TMEM161A: variants seen among roughly 807,000 people sequenced by gnomAD.
TMEM161A encodes transmembrane protein 161A, also known as adaptive response to oxidative stress protein 29.
TMEM161A carries 46 observed loss-of-function variants against 57.1 expected under a neutral mutation model. The ratio of observed to expected loss-of-function variants is 0.81; its 90% CI spans 0.64 to 1.03. The LOEUF (loss-of-function observed/expected upper bound fraction) is 1.03, where lower values mean the gene tolerates loss of function less well. TMEM161A is among the 50% of genes least tolerant of loss of function. The pLI is 0.00. For synonymous variants in TMEM161A, 288 were observed against 279.0 expected, an observed-to-expected ratio of 1.03 and a Z score of -0.32; for missense variants, 601 against 621.5, an observed-to-expected ratio of 0.97 and a Z score of 0.35.
chr19:19,128,564 G>A (rs1244946216), intron 6 of TMEM161A, among the ~76,000 whole-genome samples: 1 of 133,028 alleles, frequency 7.5e-6, no homozygotes, highest in Non-Finnish European at 1.6e-5. Flanking sequence ...TTGAGACGGA[G>A]TTTCACTCTT....
At chr19:19,128,228 C>CTTTT (rs531458159) in intron 6 of TMEM161A, among the ~76,000 whole-genome samples, 7 of 120,764 alleles carry the variant, frequency 5.8e-5, no homozygotes, top group Non-Finnish European at 1.0e-4. Flanking sequence ...TCTAAATAGA[C>CTTTT]TTTTTTTTTT....
rs2059963212 is a variant in TMEM161A at position 19,132,414 on chromosome 19, C to T, written c.381G>A (p.Leu127=). The T allele has an allele frequency of 1.9e-6, 3 of 1,614,044 alleles. No homozygotes were observed. Among genetic ancestry groups the T allele is most frequent in the Non-Finnish European group, 1.7e-6 (2 of 1,180,030 alleles). The change falls in exon 5 of 12, where the codon CTG becomes CTA. Residue 127 remains leucine (L), a synonymous_variant. Coordinates refer to ENST00000162044, the MANE Select transcript of TMEM161A (RefSeq NM_017814.3). This position sits in a 1 kb window ranked among gnomAD's most constrained non-coding sequence, Gnocchi z 4.3. ...YLFTEAYYYM[L]GPAKETNIAV... ...CAATGTTAGTCTCCTTGGCTGGTCC[C>T]AGCATGTAGTAGTAGGCCTCTGTGA... is the stretch of plus-strand genomic sequence containing the variant.
At chr19:19,133,379 C>A (rs1182339978) in intron 2 of TMEM161A, 169 bp from the exon 3 acceptor site, 71 of 613,798 alleles carry the variant, frequency 1.2e-4, no homozygotes, top group Non-Finnish European at 1.5e-4. Context: ...GTGAGACCAA[C>A]AGATCTAGGC....
Position 19,132,232 on chromosome 19 carries a change from TA to T in TMEM161A, c.443+119del. 8.3e-7 allele frequency: 1 copy of T among 1,208,316 alleles called. No homozygotes were observed. Among genetic ancestry groups the T allele is most frequent in the Non-Finnish European group, 1.2e-6 (1 of 858,864 alleles). The allele number at this position is 1,208,316 out of a possible 1,614,324, so 74.8% of individuals were successfully genotyped here. On this transcript the variant is annotated intron_variant, in intron 5 of 11. Coordinates refer to ENST00000162044, the MANE Select transcript of TMEM161A (RefSeq NM_017814.3). The surrounding 1 kb of genome is among the most constrained non-coding windows in gnomAD (Gnocchi z 4.3). The stretch of plus-strand genomic sequence containing the variant: ...ACATAAAATGTCTGCTTCATGTCAC[TA>T]AGCTTGGGGAAGTTTGTGGCACAGC...
chr19:19,130,244 G>A lies in TMEM161A; in HGVS notation c.507C>T (p.Val169=), dbSNP rs1599708701. 6.2e-7 allele frequency: 1 copy of A among 1,613,970 alleles called. No individual in the cohort carries two copies. Among genetic ancestry groups the A allele is most frequent in the Non-Finnish European group, 8.5e-7 (1 of 1,180,030 alleles). Residue 169 remains valine, a synonymous_variant, in exon 6 of 12, where the codon GTC becomes GTT. Coordinates refer to ENST00000162044, the MANE Select transcript of TMEM161A (RefSeq NM_017814.3). ...FSAEEGGERS[V]CLTFAFLFLL... Reference sequence around the variant, plus strand: ...GGAAGAGGAAGGCAAAGGTGAGGCAGACAGAGCGCTCACCCCCCTCCTCGG... The same window carrying A: ...GGAAGAGGAAGGCAAAGGTGAGGCAAACAGAGCGCTCACCCCCCTCCTCGG...
Position 19,132,276 on chromosome 19 carries a change from C to T in TMEM161A, c.443+76G>A. ...GGCACAGCAGGTGAAAACTGCCACACCAGTTTAGGGGAGCCAGGGAAGCTC... is the reference window on the plus strand; with the variant it reads ...GGCACAGCAGGTGAAAACTGCCACATCAGTTTAGGGGAGCCAGGGAAGCTC... On this transcript the variant is annotated intron_variant, in intron 5 of 11. Transcript: ENST00000162044. The surrounding 1 kb of genome is among the most constrained non-coding windows in gnomAD (Gnocchi z 4.3). The T allele has an allele frequency of 5.3e-6, 8 of 1,505,592 alleles. No individual in the cohort carries two copies. Among genetic ancestry groups the T allele is most frequent in the Non-Finnish European group, 7.2e-6 (8 of 1,118,178 alleles). 93.3% of individuals were successfully genotyped at this position (1,505,592 alleles called of 1,614,324 possible).
Position 19,120,822 on chromosome 19 carries a change from G to T in TMEM161A, c.1129C>A (p.Gln377Lys). ...GTGAGGATGAGCGGCGTCAGGTACT[G>T]CAAGCTCACCACGGTCACATAGCAG... ...VYCYVTVVSL[Q>K]YLTPLILTLN... The change falls in exon 11 of 12, where the codon CAG becomes AAG. Residue 377 changes from glutamine to lysine, a missense_variant. Gln to Lys is a moderately conservative substitution (Grantham distance 53). Coordinates refer to ENST00000162044, the MANE Select transcript of TMEM161A (RefSeq NM_017814.3). 6.2e-7 allele frequency: 1 copy of T among 1,613,448 alleles called. No homozygotes were observed. Among genetic ancestry groups the T allele is most frequent in the South Asian group, 1.1e-5 (1 of 91,084 alleles).
At chr19:19,124,301 G>A (rs895772932) in intron 6 of TMEM161A, among the ~76,000 whole-genome samples, 1 of 152,192 alleles carries the variant, frequency 6.6e-6, no homozygotes, top group Non-Finnish European at 1.5e-5. Flanking sequence ...AGGCAAGATG[G>A]AGATTTGAAT....
rs1228211753 is a variant in TMEM161A at position 19,119,843 on chromosome 19, G to C, written c.*87C>G. ...GAGTCCGGCCCCACCTTGCAGCTGG[G>C]GACACGGGGGCGCAAACAGAGGGGG... On this transcript the variant is annotated 3_prime_UTR_variant, in exon 12 of 12. Coordinates refer to ENST00000162044, the MANE Select transcript of TMEM161A (RefSeq NM_017814.3). 1 of 1,472,796 alleles carries C rather than the reference G, an allele frequency of 6.8e-7. No individual in the cohort carries two copies. The highest frequency in any genetic ancestry group is 9.1e-7 in the Non-Finnish European group (1 of 1,097,376). The allele number at this position is 1,472,796 out of a possible 1,614,324, so 91.2% of individuals were successfully genotyped here. A position where few individuals can be genotyped will look rare whatever the true frequency, so the allele number is the denominator to read the frequency against.
rs1464707273 is a variant in TMEM161A at position 19,130,242 on chromosome 19, C to G, written c.509G>C (p.Cys170Ser). 1 of 1,613,946 alleles carries G rather than the reference C, an allele frequency of 6.2e-7. No individual in the cohort carries two copies. Among genetic ancestry groups the G allele is most frequent in the Admixed American group, 1.7e-5 (1 of 60,018 alleles). ...CAGGAAGAGGAAGGCAAAGGTGAGG[C>G]AGACAGAGCGCTCACCCCCCTCCTC... ...SAEEGGERSV[C>S]LTFAFLFLLL... Residue 170 changes from cysteine (C) to serine (S), a missense_variant, in exon 6 of 12, where the codon TGC (cysteine) becomes TCC (serine). Cys to Ser is a moderately radical substitution (Grantham distance 112, BLOSUM62 -1). Transcript: ENST00000162044.
intron 1 of TMEM161A, among the ~76,000 whole-genome samples, 161 bp downstream of exon 1, chr19:19,138,265 G>C (rs1437639392): frequency 6.6e-6 from 1 of 152,212 alleles, no homozygotes; most frequent in Non-Finnish European, 1.5e-5. Context: ...CGAGAGCAGG[G>C]CTCCCAGAGA....
At chr19:19,135,736 C>T (rs2059982139) in intron 1 of TMEM161A, among the ~76,000 whole-genome samples, 1 of 152,054 alleles carries the variant, frequency 6.6e-6, no homozygotes, top group African/African-American at 2.4e-5. Flanking sequence ...GCCACCATAC[C>T]CAACTAATTT....
chr19:19,127,732 C>G (rs1054894122), intron 6 of TMEM161A, among the ~76,000 whole-genome samples: 1 of 150,780 alleles, frequency 6.6e-6, no homozygotes, highest in Non-Finnish European at 1.5e-5. Context: ...GAGTTTGAGA[C>G]CAGCCTGAGA....
At chr19:19,130,364 C>A (rs1280351895) in intron 5 of TMEM161A, 57 bp from the exon 6 acceptor site, 14 of 1,599,936 alleles carry the variant, frequency 8.8e-6, no homozygotes, top group African/African-American at 2.7e-5. Flanking sequence ...GCCCATTTCA[C>A]CACACTCCGT....
intron 11 of TMEM161A, 52 bp downstream of exon 11, chr19:19,120,713 G>C (rs1444793178): frequency 1.3e-6 from 2 of 1,557,932 alleles, no homozygotes; most frequent in Admixed American, 1.7e-5. Flanking sequence ...CCTCCACTCT[G>C]TTTTATCTTC....
chr19:19,132,764 T>C lies in TMEM161A; in HGVS notation c.189-10A>G, dbSNP rs748107638. ...AAGGCCATTGGCCCACCTGGGAGGA[T>C]GGTGACAAGCAAGAGGGACGGTGAG... is the stretch of plus-strand genomic sequence containing the variant. On this transcript the variant is annotated splice_polypyrimidine_tract_variant and intron_variant, in intron 3 of 11. Transcript: ENST00000162044. This position sits in a 1 kb window ranked among gnomAD's most constrained non-coding sequence, Gnocchi z 4.3. The C allele has an allele frequency of 9.2e-6, 14 of 1,525,466 alleles. No individual in the cohort carries two copies. In the Admixed American group the frequency reaches 3.0e-4, roughly 33 times the overall value. 94.5% of individuals were successfully genotyped at this position (1,525,466 alleles called of 1,614,324 possible). A position where few individuals can be genotyped will look rare whatever the true frequency, so the allele number is the denominator to read the frequency against.
At chr19:19,128,571 T>C (rs1349356590) in intron 6 of TMEM161A, among the ~76,000 whole-genome samples, 2 of 138,992 alleles carry the variant, frequency 1.4e-5, no homozygotes, top group East Asian at 2.1e-4. Context: ...GGAGTTTCAC[T>C]CTTGTTGCTC....
Position 19,128,197 on chromosome 19 carries a change from G to A in TMEM161A, c.595+1959C>T, listed in dbSNP as rs571545942. The stretch of plus-strand genomic sequence containing the variant: ...AGAGCAAAGAGTTGTGGAGATGGAC[G>A]GTGGTGATGGTTGCACGACATCTAA... On this transcript the variant is annotated intron_variant, in intron 6 of 11. Transcript: ENST00000162044. 2.6e-4 allele frequency among the ~76,000 whole-genome samples: 39 copies of A among 151,906 alleles called. 1 individual carries two copies. The South Asian group carries it at 6.2e-3, about 24-fold the overall frequency.
chr19:19,133,246 C>A (rs368696543), intron 2 of TMEM161A, 36 bp from the exon 3 acceptor site: 3 of 1,607,482 alleles, frequency 1.9e-6, no homozygotes, highest in Non-Finnish European at 1.7e-6. Context: ...GAAGCTCAGG[C>A]GTGGGGTTGG....
Sources: allele counts gnomAD v4.1 joint callset (sites outside exome capture counted in the v4.1 genomes callset), GRCh38; gene constraint gnomAD v4.1.1; non-coding constraint Gnocchi (gnomAD v3.1); transcripts MANE v1.5; gene names NCBI Gene and HGNC (gene_info 2026-07-23, HGNC 2026-07-21).